DOCK1: variants seen among roughly 807,000 people sequenced by gnomAD.
DOCK1 encodes dedicator of cytokinesis 1.
DOCK1 carries 138 observed loss-of-function variants against 262.7 expected under a neutral mutation model. The ratio of observed to expected loss-of-function variants is 0.53; its 90% CI spans 0.46 to 0.61. The LOEUF is 0.61. DOCK1 is among the 20% of genes least tolerant of loss of function. The pLI, the probability that DOCK1 is intolerant of heterozygous loss-of-function variation, is 0.00. For missense variants in DOCK1, 1,908 were observed against 2,370.7 expected, an observed-to-expected ratio of 0.80 and a Z score of 4.05; for synonymous variants, 866 against 867.4, an observed-to-expected ratio of 1.00 and a Z score of 0.03.
rs544809043 is a variant in DOCK1, at chr10:127,435,408, C to T, written c.5060+1980C>T. Among the ~76,000 whole-genome samples the T allele has an allele frequency of 5.1e-4, 77 of 152,256 alleles. 1 individual carries two copies. Among genetic ancestry groups the T allele is most frequent in the African/African-American group, 1.6e-3 (68 of 41,530 alleles). On this transcript the variant is annotated intron_variant, in intron 48 of 51. Transcript: ENST00000623213. The stretch of plus-strand genomic sequence containing the variant: ...CCCTTTGTTGCCAACGACTGATGTG[C>T]CCGATGGAGAATTGCAAACTATCCC...
chr10:127,207,663 G>T (rs1051333837), intron 27 of DOCK1, among the ~76,000 whole-genome samples: 2 of 152,148 alleles, frequency 1.3e-5, no homozygotes, highest in African/African-American at 4.8e-5. Context: ...TTTTCCTAAA[G>T]AGCTACATTA....
intron 47 of DOCK1, 38 bp downstream of exon 47, chr10:127,426,049 G>A (rs2068793141): frequency 1.9e-6 from 3 of 1,611,102 alleles, no homozygotes; most frequent in East Asian, 4.5e-5. Flanking sequence ...AGAAGAGTGG[G>A]TGTCTGGGCA....
At chr10:127,093,499 C>T (rs1258925055) in intron 23 of DOCK1, among the ~76,000 whole-genome samples, 1 of 151,576 alleles carries the variant, frequency 6.6e-6, no homozygotes, top group Non-Finnish European at 1.5e-5. Flanking sequence ...ATCACAGACG[C>T]GTGCCATTGC....
chr10:127,229,512 C>A (rs1005274063), intron 27 of DOCK1, among the ~76,000 whole-genome samples: 1 of 152,080 alleles, frequency 6.6e-6, no homozygotes, highest in Non-Finnish European at 1.5e-5. Context: ...TTACTTATTT[C>A]CCTTAAAATA....
intron 23 of DOCK1, among the ~76,000 whole-genome samples, chr10:127,066,408 C>T (rs2045877592): frequency 6.6e-6 from 1 of 152,090 alleles, no homozygotes; most frequent in South Asian, 2.1e-4. Flanking sequence ...CCCTTTTTTC[C>T]TTGGCATCTC....
At chr10:126,961,264 G>A (rs1046755404) in intron 1 of DOCK1, among the ~76,000 whole-genome samples, 19 of 152,232 alleles carry the variant, frequency 1.2e-4, no homozygotes, top group Middle Eastern at 3.4e-3. Flanking sequence ...GGAGTGACTT[G>A]GTGACTTTGA....
intron 29 of DOCK1, among the ~76,000 whole-genome samples, chr10:127,294,768 C>A (rs1302067337): frequency 6.6e-6 from 1 of 151,992 alleles, no homozygotes. Flanking sequence ...CCTGCCTCAG[C>A]CTCCCAAGTA....
At chr10:127,145,364 C>T (rs1265592038) in intron 27 of DOCK1, among the ~76,000 whole-genome samples, 1 of 152,160 alleles carries the variant, frequency 6.6e-6, no homozygotes, top group Non-Finnish European at 1.5e-5. Context: ...TATGCCATCC[C>T]CCTAGGAAGC....
chr10:127,390,752 C>A (rs1166123603), intron 38 of DOCK1, among the ~76,000 whole-genome samples: 1 of 152,140 alleles, frequency 6.6e-6, no homozygotes, highest in Non-Finnish European at 1.5e-5. Flanking sequence ...CCCTGGCAAA[C>A]TAATACCAAT....
At chr10:127,101,632 C>T (rs1352423094) in intron 23 of DOCK1, among the ~76,000 whole-genome samples, 2 of 152,182 alleles carry the variant, frequency 1.3e-5, no homozygotes, top group Admixed American at 6.5e-5. Flanking sequence ...GCAGGGAAGA[C>T]TTTGGGAGCC....
intron 27 of DOCK1, among the ~76,000 whole-genome samples, chr10:127,202,765 T>C (rs1232778117): frequency 1.3e-5 from 2 of 152,220 alleles, no homozygotes; most frequent in Non-Finnish European, 2.9e-5. Context: ...GGGCACTCAA[T>C]ACTGTTAAAC....
rs188097664 is a variant in DOCK1, at chr10:127,324,938, C to T, written c.3045-14068C>T. On this transcript the variant is annotated intron_variant, in intron 29 of 51. Transcript: ENST00000623213. ...TCTTAGGGAACCAGCATCCTCCAGA[C>T]CCACAGCTTCTTGCCACTAGAACAC... is the stretch of plus-strand genomic sequence containing the variant. Among the ~76,000 whole-genome samples the T allele has an allele frequency of 3.9e-5, 6 of 152,250 alleles. No homozygotes were observed. In the East Asian group the frequency reaches 1.2e-3, roughly 29 times the overall value.
At chr10:127,406,713 A>G (rs570251769) in intron 40 of DOCK1, among the ~76,000 whole-genome samples, 112 of 152,316 alleles carry the variant, frequency 7.4e-4, no homozygotes, top group African/African-American at 2.7e-3. Flanking sequence ...CTTTGACTAT[A>G]TGTACATTTC....
chr10:126,942,457 C>T (rs1346322730), intron 1 of DOCK1, among the ~76,000 whole-genome samples: 4 of 152,150 alleles, frequency 2.6e-5, no homozygotes, highest in African/African-American at 4.8e-5. Flanking sequence ...AAGCTGTGCA[C>T]TGGATTCATT....
chr10:127,178,571 CG>C (rs2055408097), intron 27 of DOCK1, among the ~76,000 whole-genome samples: 1 of 152,160 alleles, frequency 6.6e-6, no homozygotes, highest in Non-Finnish European at 1.5e-5. Context: ...CTGGATGCCT[CG>C]GGCTCTTGTT....
chr10:127,116,294 A>G (rs2049174987), intron 25 of DOCK1, among the ~76,000 whole-genome samples: 1 of 152,284 alleles, frequency 6.6e-6, no homozygotes, highest in South Asian at 2.1e-4. Context: ...GAGCTTCTTG[A>G]AAGTGTAAGC....
rs1325740048 is a variant in DOCK1 at position 127,100,903 on chromosome 10, T to C, written c.2446-5328T>C. Among the ~76,000 whole-genome samples, 1 of 152,058 alleles carries C rather than the reference T, an allele frequency of 6.6e-6. No homozygotes were observed. Among genetic ancestry groups the C allele is most frequent in the Non-Finnish European group, 1.5e-5 (1 of 67,988 alleles). ...CAGGCCTTGCCCACACTGTGGGGTA[T>C]TGTCCGATGGAGCAGAGGCTCGCAG... On this transcript the variant is annotated intron_variant, in intron 23 of 51. Transcript: ENST00000623213. The surrounding 1 kb of genome is among the most constrained non-coding windows in gnomAD (Gnocchi z 5.5).
intron 18 of DOCK1, among the ~76,000 whole-genome samples, chr10:127,033,442 G>T (rs1488017525): frequency 6.6e-6 from 1 of 152,196 alleles, no homozygotes; most frequent in African/African-American, 2.4e-5. Context: ...TGATGTTGTT[G>T]CTGTCACTCC....
At chr10:126,950,422 C>T (rs2036109367) in intron 1 of DOCK1, among the ~76,000 whole-genome samples, 1 of 152,026 alleles carries the variant, frequency 6.6e-6, no homozygotes, top group African/African-American at 2.4e-5. Context: ...AAGGCTCTCT[C>T]TCCTTTAGAC....
Sources: gnomAD v4.1 joint callset for allele counts (sites outside exome capture counted in the v4.1 genomes callset) on GRCh38, gnomAD v4.1.1 for gene constraint, Gnocchi (gnomAD v3.1) non-coding constraint, MANE v1.5 for transcripts, NCBI Gene and HGNC (gene_info 2026-07-23, HGNC 2026-07-21) for gene names.